Variants in MYO16 observed in about 807,000 individuals in gnomAD.
MYO16 encodes the protein myosin XVI, also known as unconventional myosin-XVI.
A neutral mutation model predicts 205.3 loss-of-function variants in MYO16; 94 were observed. The observed-to-expected ratio is 0.46, with a 90% confidence interval of 0.39 to 0.54. The LOEUF (loss-of-function observed/expected upper bound fraction) is 0.54. MYO16 is among the 20% of genes least tolerant of loss of function. The probability of loss-of-function intolerance (pLI) is 0.00; values close to 1 mark genes in which losing one functional copy is unlikely to be tolerated. For synonymous variants in MYO16, 988 were observed against 954.0 expected (o/e 1.04, Z -0.66); for missense variants, 2,315 against 2,387.5 (o/e 0.97, Z 0.63).
the MYO16 span, among the ~76,000 whole-genome samples, chr13:108,537,741 T>C: frequency 6.6e-6 from 1 of 152,184 alleles, no homozygotes; most frequent in African/African-American, 2.4e-5. Context: ...GATTTTAATT[T>C]GTATTTCTTT....
chr13:109,031,071 A>G (rs1236016492), intron 23 of MYO16, among the ~76,000 whole-genome samples: 7 of 152,144 alleles, frequency 4.6e-5, no homozygotes, highest in Non-Finnish European at 8.8e-5. Flanking sequence ...ATTAAAGAAT[A>G]AAGGAATGAA....
chr13:108,852,466 C>T (rs1877928931), intron 10 of MYO16, among the ~76,000 whole-genome samples: 1 of 152,166 alleles, frequency 6.6e-6, no homozygotes, highest in African/African-American at 2.4e-5. Flanking sequence ...CCTCTCTGGG[C>T]CTTAAGTTCT....
At chr13:109,076,607 A>T (rs1037109900) in intron 27 of MYO16, among the ~76,000 whole-genome samples, 2 of 152,122 alleles carry the variant, frequency 1.3e-5, no homozygotes, top group African/African-American at 4.8e-5. Context: ...GCTCCATCTC[A>T]AGAAATCCCA....
chr13:108,969,003 C>G (rs1383086680), intron 20 of MYO16, among the ~76,000 whole-genome samples: 1 of 152,206 alleles, frequency 6.6e-6, no homozygotes, highest in East Asian at 1.9e-4. Flanking sequence ...GCATCTCCAC[C>G]TAGCACATGT....
chr13:108,710,220 T>C (rs1459895373), intron 2 of MYO16, among the ~76,000 whole-genome samples: 1 of 152,190 alleles, frequency 6.6e-6, no homozygotes, highest in Non-Finnish European at 1.5e-5. Flanking sequence ...AAATACTACC[T>C]ATATTAATAA....
At chr13:108,550,113 A>G in the MYO16 span, among the ~76,000 whole-genome samples, 1 of 152,242 alleles carries the variant, frequency 6.6e-6, no homozygotes, top group Admixed American at 6.5e-5. Flanking sequence ...ACAAGAAGTG[A>G]AGCATCTGAG....
chr13:108,885,883 G>A (rs897157719), intron 13 of MYO16, among the ~76,000 whole-genome samples: 5 of 152,130 alleles, frequency 3.3e-5, no homozygotes, highest in African/African-American at 1.2e-4. Flanking sequence ...GTTTTCTTAT[G>A]AAGAACCCCG....
At chr13:108,497,377 CA>C in the MYO16 span, among the ~76,000 whole-genome samples, 1 of 152,184 alleles carries the variant, frequency 6.6e-6, no homozygotes, top group African/African-American at 2.4e-5. Flanking sequence ...TAATATTAAA[CA>C]AGCATATGTG....
At chr13:108,834,419 A>G (rs1327306075) in intron 9 of MYO16, among the ~76,000 whole-genome samples, 2 of 152,114 alleles carry the variant, frequency 1.3e-5, no homozygotes, top group African/African-American at 4.8e-5. Flanking sequence ...CTGGGAGAAG[A>G]TATACATCTC....
intron 21 of MYO16, among the ~76,000 whole-genome samples, chr13:109,003,513 G>A (rs1440204412): frequency 1.3e-5 from 2 of 152,134 alleles, no homozygotes; most frequent in East Asian, 3.9e-4. Flanking sequence ...GCTCTATCCA[G>A]AGACACAGGC....
chr13:109,114,974 A>G (rs1368900778), intron 28 of MYO16, among the ~76,000 whole-genome samples: 2 of 152,186 alleles, frequency 1.3e-5, no homozygotes, highest in Admixed American at 1.3e-4. Flanking sequence ...AGAGTTCTAC[A>G]TTAGATGTTT....
intron 9 of MYO16, among the ~76,000 whole-genome samples, chr13:108,829,311 A>T (rs1371611528): frequency 6.6e-6 from 1 of 152,210 alleles, no homozygotes. Flanking sequence ...GTACTAAATA[A>T]TTGCTTAAGA....
At chr13:108,504,490 T>C in the MYO16 span, among the ~76,000 whole-genome samples, 2 of 152,026 alleles carry the variant, frequency 1.3e-5, no homozygotes, top group South Asian at 2.1e-4. Context: ...AACAACTCTG[T>C]ATTTCCCTTA....
chr13:108,947,501 G>A (rs1232597446), intron 16 of MYO16, among the ~76,000 whole-genome samples: 1 of 152,124 alleles, frequency 6.6e-6, no homozygotes, highest in Non-Finnish European at 1.5e-5. Context: ...CACTTTCTGA[G>A]CAAAAAGGTA....
At chr13:109,049,023 A>G (rs969407234) in intron 24 of MYO16, 1 of 150,564 alleles carries the variant, frequency 6.6e-6, no homozygotes, top group African/African-American at 2.4e-5. Flanking sequence ...AGGAATAGAA[A>G]ATTTTAGGAT....
rs560596974 is a variant in MYO16 at position 108,756,546 on chromosome 13, T to C, written c.507+28963T>C. Among the ~76,000 whole-genome samples the C allele has an allele frequency of 7.9e-5, 12 of 152,282 alleles. No individual in the cohort carries two copies. In the South Asian group the frequency reaches 2.3e-3, roughly 29 times the overall value. On this transcript the variant is annotated intron_variant, in intron 4 of 34. Coordinates refer to ENST00000457511, the MANE Select transcript of MYO16 (RefSeq NM_001198950.3). Reference sequence around the variant, plus strand: ...TTTTCAAGATAATATTTTTCATTTATATTTTATTAGAGGAAATTTTAAAAT... The same window carrying C: ...TTTTCAAGATAATATTTTTCATTTACATTTTATTAGAGGAAATTTTAAAAT...
At chr13:108,757,820 C>A (rs1205243166) in intron 4 of MYO16, among the ~76,000 whole-genome samples, 1 of 152,220 alleles carries the variant, frequency 6.6e-6, no homozygotes, top group Non-Finnish European at 1.5e-5. Flanking sequence ...AACACATTCA[C>A]TGCACCGTCA....
intron 19 of MYO16, 48 bp from the exon 20 acceptor site, chr13:108,964,713 A>G: frequency 6.3e-7 from 1 of 1,596,288 alleles, no homozygotes; most frequent in Non-Finnish European, 8.5e-7. Context: ...TGGCTTCTAA[A>G]TGAGGGAACC....
intron 1 of MYO16, among the ~76,000 whole-genome samples, chr13:108,617,302 C>T (rs1279403936): frequency 6.6e-6 from 1 of 152,164 alleles, no homozygotes; most frequent in East Asian, 1.9e-4. Context: ...TCTGGGGATG[C>T]TGCTGCTGGT....
Sources: gnomAD v4.1 joint callset for allele counts (sites outside exome capture counted in the v4.1 genomes callset) on GRCh38, gnomAD v4.1.1 for gene constraint, MANE v1.5 for transcripts, NCBI Gene and HGNC (gene_info 2026-07-23, HGNC 2026-07-21) for gene names.